The following METTL16 variants were observed in gnomAD, a reference collection of about 807,000 sequenced individuals.
METTL16 encodes RNA N(6)-adenosine-methyltransferase METTL16.
In METTL16, 19 loss-of-function variants were observed where a neutral mutation model predicts 57.9. The observed-to-expected ratio is 0.33, with a 90% CI of 0.23 to 0.48. METTL16 has a LOEUF of 0.48. Among genes scored for constraint, METTL16 ranks in the 20% least tolerant of loss-of-function variants. The pLI is 0.99. For missense variants in METTL16, 434 were observed against 691.5 expected, an observed-to-expected ratio of 0.63 and a Z score of 4.18; for synonymous variants, 246 against 255.6, an observed-to-expected ratio of 0.96 and a Z score of 0.36.
chr17:2,493,614 G>C (rs2067418038), intron 2 of METTL16, among the ~76,000 whole-genome samples: 1 of 151,352 alleles, frequency 6.6e-6, no homozygotes, highest in African/African-American at 2.4e-5. Context: ...AGCTACTCAG[G>C]AGACTGAGGC....
intron 8 of METTL16, among the ~76,000 whole-genome samples, chr17:2,423,707 T>C (rs2066786621): frequency 6.6e-6 from 1 of 152,066 alleles, no homozygotes; most frequent in Non-Finnish European, 1.5e-5. Context: ...GCACTTCCCA[T>C]CTCTTCTCAC....
intron 2 of METTL16, among the ~76,000 whole-genome samples, chr17:2,478,748 T>C (rs2067284180): frequency 1.3e-5 from 2 of 152,220 alleles, no homozygotes; most frequent in Non-Finnish European, 2.9e-5. Context: ...AATGAGGTCT[T>C]CTGGTCACTT....
chr17:2,436,881 T>TA (rs2066912597), intron 8 of METTL16: 1 of 153,214 alleles, frequency 6.5e-6, no homozygotes, highest in Non-Finnish European at 1.4e-5. Flanking sequence ...CTTTTTTTTT[T>TA]TTTTTTTTGA....
At chr17:2,466,783 ATTG>A (rs1236968635) in intron 5 of METTL16, among the ~76,000 whole-genome samples, 1 of 151,834 alleles carries the variant, frequency 6.6e-6, no homozygotes, top group East Asian at 1.9e-4. Flanking sequence ...TCATTGTTAC[ATTG>A]TTATTTTTTT....
At position 2,420,413 on chromosome 17, in the gene METTL16, A is replaced by G; in HGVS notation, c.1246T>C (p.Ser416Pro). The change falls in exon 10 of 10, where the codon TCT (serine) becomes CCT (proline). Residue 416 changes from serine (S) to proline (P), a missense_variant. By Grantham distance (74) the Ser-to-Pro change is moderately conservative. This residue lies in a region of METTL16 where 168 missense variants were observed against 149.6 expected (regional missense o/e 1.12). Coordinates refer to ENST00000263092, the MANE Select transcript of METTL16 (RefSeq NM_024086.4). This position sits in a 1 kb window ranked among gnomAD's most constrained non-coding sequence, Gnocchi z 5.4. ...LEEKKPTPKESGNSQELARGP... is the reference protein window; with the variant it reads ...LEEKKPTPKEPGNSQELARGP... ...CTGGCCAGTTCTTGGCTATTGCCAG[A>G]CTCTTTGGGGGTGGGCTTTTTCTCT... 2 of 1,613,710 alleles carry G rather than the reference A, an allele frequency of 1.2e-6. No homozygotes were observed.
chr17:2,493,359 A>G (rs536113084), intron 2 of METTL16, among the ~76,000 whole-genome samples: 213 of 148,594 alleles, frequency 1.4e-3, no homozygotes, highest in Middle Eastern at 6.9e-3. Flanking sequence ...AAAGTGCTGG[A>G]ATTACAGGCA....
chr17:2,433,415 A>C (rs907994753), intron 8 of METTL16, among the ~76,000 whole-genome samples: 1 of 148,660 alleles, frequency 6.7e-6, no homozygotes, highest in African/African-American at 2.6e-5. Flanking sequence ...GGAGTGGGTG[A>C]GCAGGATGCT....
At chr17:2,443,144 A>G (rs1287335662) in intron 6 of METTL16, among the ~76,000 whole-genome samples, 1 of 151,232 alleles carries the variant, frequency 6.6e-6, no homozygotes, top group East Asian at 2.0e-4. Flanking sequence ...GTGCGCCACC[A>G]CACCCGGCTA....
At position 2,419,519 on chromosome 17, in the gene METTL16, T is replaced by C. The variant is rs1489826280; in HGVS notation, c.*451A>G. ...GCAAGGTAGGCCCCATCTTGAAGAG[T>C]GACCTAGAACAGGGTACCAGGGCCT... On this transcript the variant is annotated 3_prime_UTR_variant, in exon 10 of 10. Coordinates refer to ENST00000263092, the MANE Select transcript of METTL16 (RefSeq NM_024086.4). The C allele has an allele frequency of 4.8e-6, 2 of 419,048 alleles. No individual in the cohort carries two copies. The highest frequency in any genetic ancestry group is 1.7e-5 in the South Asian group (1 of 58,978). 26.0% of individuals were successfully genotyped at this position (419,048 alleles called of 1,614,324 possible). A position where few individuals can be genotyped will look rare whatever the true frequency, so the allele number is the denominator to read the frequency against.
At chr17:2,504,049 A>T (rs1469632287) in intron 1 of METTL16, among the ~76,000 whole-genome samples, 1 of 152,226 alleles carries the variant, frequency 6.6e-6, no homozygotes, top group Non-Finnish European at 1.5e-5. Context: ...AGAAGAAATG[A>T]AATTCTGATA....
chr17:2,488,321 C>G (rs9303082), intron 2 of METTL16, among the ~76,000 whole-genome samples: 2,256 of 152,290 alleles, frequency 0.015, 25 homozygotes, highest in African/African-American at 0.034. Flanking sequence ...CTTTGGGAGG[C>G]TGAGGTGGGC....
In METTL16 at chr17:2,509,593, C is replaced by G. The variant is rs182711201; in HGVS notation, c.-1+2166G>C. ...TAGACTTTATTAAAAAGAAAATATC[C>G]AAAATTAAAGTGTTGGCCGGGCACA... On this transcript the variant is annotated intron_variant, in intron 1 of 9. Coordinates refer to ENST00000263092, the MANE Select transcript of METTL16 (RefSeq NM_024086.4). Among the ~76,000 whole-genome samples, 8 of 152,152 alleles carry G rather than the reference C, an allele frequency of 5.3e-5. No individual in the cohort carries two copies. In the East Asian group the frequency reaches 1.5e-3, roughly 29 times the overall value.
intron 6 of METTL16, among the ~76,000 whole-genome samples, chr17:2,448,790 AAAAATAAAATTT>A (rs2067042008): frequency 5.3e-5 from 6 of 112,202 alleles, no homozygotes; most frequent in African/African-American, 8.7e-5. Context: ...ATAAAAAAAT[AAAAATAAAATTT>A]AAAAAAAAAA....
At chr17:2,487,739 C>A (rs2067354059) in intron 2 of METTL16, among the ~76,000 whole-genome samples, 1 of 152,106 alleles carries the variant, frequency 6.6e-6, no homozygotes, top group Non-Finnish European at 1.5e-5. Context: ...TGTGGAAGCT[C>A]ACACCTGTAA....
At chr17:2,465,331 CAG>C (rs1236620416) in intron 5 of METTL16, among the ~76,000 whole-genome samples, 1 of 150,952 alleles carries the variant, frequency 6.6e-6, no homozygotes, top group Non-Finnish European at 1.5e-5. Flanking sequence ...ATCACGAGGT[CAG>C]GAGATTGAGA....
chr17:2,502,885 C>T (rs574632720), intron 1 of METTL16, among the ~76,000 whole-genome samples: 39 of 151,884 alleles, frequency 2.6e-4, no homozygotes, highest in Admixed American at 6.6e-4. Flanking sequence ...CACTTCATAC[C>T]CACTAGGATG....
chr17:2,471,959 CAAAAATTA>C (rs1217561276), intron 4 of METTL16, among the ~76,000 whole-genome samples: 2 of 151,346 alleles, frequency 1.3e-5, no homozygotes, highest in East Asian at 3.9e-4. Context: ...ACTAAAAATA[CAAAAATTA>C]GCTGGGCGTG....
intron 8 of METTL16, among the ~76,000 whole-genome samples, chr17:2,422,336 A>AG (rs961537529): frequency 9.2e-6 from 1 of 109,248 alleles, no homozygotes; most frequent in Admixed American, 7.7e-5. Context: ...ACTCCGTTTT[A>AG]GAAAAAAAAA....
chr17:2,439,665 G>A (rs970931443), intron 7 of METTL16, among the ~76,000 whole-genome samples: 7 of 152,078 alleles, frequency 4.6e-5, no homozygotes, highest in Admixed American at 6.6e-5. Context: ...AAAGGAGTTC[G>A]ATGTGAGGTC....
Sources: allele counts gnomAD v4.1 joint callset (sites outside exome capture counted in the v4.1 genomes callset), GRCh38; gene constraint gnomAD v4.1.1; regional missense constraint gnomAD v4.1.1; non-coding constraint Gnocchi (gnomAD v3.1); transcripts MANE v1.5; gene names NCBI Gene and HGNC (gene_info 2026-07-23, HGNC 2026-07-21).